The following ROBO1 variants were observed in gnomAD, a reference collection of about 807,000 sequenced individuals.
ROBO1 encodes roundabout homolog 1.
Under a neutral mutation model 195.9 loss-of-function variants are expected in ROBO1, and 149 were observed. The observed-to-expected ratio is 0.76, with a 90% CI of 0.67 to 0.87. ROBO1 has a LOEUF of 0.87. ROBO1 is among the 40% of genes least tolerant of loss of function. The pLI is 0.00. For synonymous variants in ROBO1, 816 were observed against 733.2 expected (o/e 1.11, Z -1.82); for missense variants, 1,933 against 2,068.3 (o/e 0.93, Z 1.27).
intron 3 of ROBO1, among the ~76,000 whole-genome samples, chr3:79,011,577 G>A (rs2077777530): frequency 1.3e-5 from 2 of 151,620 alleles, no homozygotes; most frequent in Non-Finnish European, 2.9e-5. Flanking sequence ...TTAGTGCAGA[G>A]AAGCTAAAAT....
At chr3:78,654,886 A>C (rs1706898907) in intron 18 of ROBO1, among the ~76,000 whole-genome samples, 1 of 152,248 alleles carries the variant, frequency 6.6e-6, no homozygotes, top group African/African-American at 2.4e-5. Context: ...ATATAGAGTC[A>C]TCACAGTGTT....
chr3:79,355,997 C>T (rs953661422), intron 2 of ROBO1, among the ~76,000 whole-genome samples: 13 of 152,044 alleles, frequency 8.6e-5, no homozygotes, highest in South Asian at 2.1e-4. Flanking sequence ...TTCATTTTTA[C>T]GCTTAAAAAC....
intron 3 of ROBO1, among the ~76,000 whole-genome samples, chr3:79,120,267 A>G (rs891962723): frequency 1.3e-5 from 2 of 152,212 alleles, no homozygotes; most frequent in Non-Finnish European, 2.9e-5. Context: ...CTGCCTGACT[A>G]GTAGCAATTC....
chr3:79,644,293 G>A (rs1320557736), intron 1 of ROBO1, among the ~76,000 whole-genome samples: 1 of 152,052 alleles, frequency 6.6e-6, no homozygotes, highest in Non-Finnish European at 1.5e-5. Flanking sequence ...AGTAATGAAT[G>A]AATCATCCAG....
At chr3:79,243,611 T>G (rs1392350338) in intron 2 of ROBO1, among the ~76,000 whole-genome samples, 11 of 152,182 alleles carry the variant, frequency 7.2e-5, no homozygotes, top group Non-Finnish European at 1.6e-4. Flanking sequence ...TTCATGTGTC[T>G]TTTGGCTGCA....
At chr3:78,736,967 A>G (rs533155588) in intron 5 of ROBO1, among the ~76,000 whole-genome samples, 2 of 152,300 alleles carry the variant, frequency 1.3e-5, no homozygotes, top group African/African-American at 2.4e-5. Context: ...CCTAAGGATA[A>G]TACGTAACTA....
intron 4 of ROBO1, among the ~76,000 whole-genome samples, chr3:78,780,114 G>A (rs1045009684): frequency 2.6e-5 from 4 of 152,006 alleles, no homozygotes; most frequent in African/African-American, 9.7e-5. Flanking sequence ...AGTGGGTTGG[G>A]GGCTTAGAAG....
At chr3:79,004,891 G>C (rs2077586064) in intron 3 of ROBO1, among the ~76,000 whole-genome samples, 1 of 152,146 alleles carries the variant, frequency 6.6e-6, no homozygotes, top group Non-Finnish European at 1.5e-5. Flanking sequence ...AAAGGTCTTT[G>C]TAAGGAAATA....
chr3:78,783,692 T>C (rs2083748140), intron 4 of ROBO1, among the ~76,000 whole-genome samples: 1 of 152,172 alleles, frequency 6.6e-6, no homozygotes, highest in Admixed American at 6.5e-5. Flanking sequence ...AACAAATTCA[T>C]AGAAGTCAAG....
At chr3:79,417,514 T>A (rs984279047) in intron 2 of ROBO1, among the ~76,000 whole-genome samples, 3 of 152,142 alleles carry the variant, frequency 2.0e-5, no homozygotes, top group Admixed American at 2.0e-4. Context: ...AATAGATATT[T>A]GTTGTTTAAA....
At chr3:79,361,159 G>A (rs1171595135) in intron 2 of ROBO1, among the ~76,000 whole-genome samples, 1 of 151,970 alleles carries the variant, frequency 6.6e-6, no homozygotes, top group East Asian at 1.9e-4. Context: ...AATGATAGTT[G>A]TATGACCTGA....
chr3:78,760,121 T>C (rs1167304722), intron 4 of ROBO1, among the ~76,000 whole-genome samples: 1 of 152,120 alleles, frequency 6.6e-6, no homozygotes, highest in Non-Finnish European at 1.5e-5. Flanking sequence ...TGCGCTTGGC[T>C]CTCACTCCTC....
intron 3 of ROBO1, among the ~76,000 whole-genome samples, chr3:78,966,039 C>T (rs1163361311): frequency 6.6e-6 from 1 of 152,228 alleles, no homozygotes; most frequent in African/African-American, 2.4e-5. Flanking sequence ...CCCCTGAGCT[C>T]CATCTCCTGT....
chr3:78,857,335 G>A (rs1257704854), intron 4 of ROBO1, among the ~76,000 whole-genome samples: 1 of 152,088 alleles, frequency 6.6e-6, no homozygotes, highest in Non-Finnish European at 1.5e-5. Flanking sequence ...TTAATCAGCT[G>A]TCTTAAAAAC....
intron 2 of ROBO1, among the ~76,000 whole-genome samples, chr3:79,580,690 T>G (rs942905648): frequency 6.6e-6 from 1 of 152,106 alleles, no homozygotes; most frequent in Non-Finnish European, 1.5e-5. Flanking sequence ...TTTATATATA[T>G]GTACATCCGC....
intron 4 of ROBO1, among the ~76,000 whole-genome samples, chr3:78,878,824 T>C (rs2036011774): frequency 1.3e-5 from 2 of 152,264 alleles, no homozygotes; most frequent in South Asian, 4.1e-4. Context: ...GACCAAAAGT[T>C]GAATATCACC....
chr3:79,154,081 C>T (rs575934338), intron 2 of ROBO1, among the ~76,000 whole-genome samples: 14 of 151,832 alleles, frequency 9.2e-5, no homozygotes, highest in African/African-American at 2.7e-4. Context: ...CTACTTCCCT[C>T]ATTAAAATTT....
intron 8 of ROBO1, among the ~76,000 whole-genome samples, chr3:78,711,740 C>T (rs1293032286): frequency 1.3e-5 from 2 of 151,260 alleles, no homozygotes; most frequent in Admixed American, 6.6e-5. Context: ...CTGACCACCT[C>T]GGCCTCCCAT....
At chr3:79,720,253 C>T (rs1009305807) in intron 1 of ROBO1, among the ~76,000 whole-genome samples, 3 of 152,090 alleles carry the variant, frequency 2.0e-5, no homozygotes, top group African/African-American at 7.2e-5. Flanking sequence ...ACCAACGGAC[C>T]TCTTGGAACA....
Sources: allele counts gnomAD v4.1 joint callset (sites outside exome capture counted in the v4.1 genomes callset), GRCh38; gene constraint gnomAD v4.1.1; transcripts MANE v1.5; gene names NCBI Gene and HGNC (gene_info 2026-07-23, HGNC 2026-07-21).